Variants in ADCY5 observed in about 807,000 individuals in gnomAD.
The protein encoded by ADCY5 is adenylate cyclase 5.
ADCY5 carries 30 observed loss-of-function variants against 119.7 expected under a neutral mutation model. The observed-to-expected ratio is 0.25, with a 90% CI of 0.19 to 0.34. The LOEUF (loss-of-function observed/expected upper bound fraction) is 0.34. Among genes scored for constraint, ADCY5 ranks in the 10% least tolerant of loss-of-function variants. The pLI, the probability that ADCY5 is intolerant of heterozygous loss-of-function variation, is 1.00. For missense variants in ADCY5, 1,324 were observed against 1,775.2 expected (o/e 0.75, Z 4.57); for synonymous variants, 753 against 762.2 (o/e 0.99, Z 0.20).
Position 123,376,430 on chromosome 3 carries a change from A to G in ADCY5, c.1135-23849T>C, listed in dbSNP as rs903458182. ...TGTAAGAGAAATCAAAATTTCTTCAAGGAGGAGCATATGTTCTTTCTGCCT... is the reference window on the plus strand; with the variant it reads ...TGTAAGAGAAATCAAAATTTCTTCAGGGAGGAGCATATGTTCTTTCTGCCT... On this transcript the variant is annotated intron_variant, in intron 1 of 20. Coordinates refer to ENST00000462833, the MANE Select transcript of ADCY5 (RefSeq NM_183357.3). 1.3e-4 allele frequency among the ~76,000 whole-genome samples: 20 copies of G among 152,178 alleles called. No individual in the cohort carries two copies. In the East Asian group the frequency reaches 3.5e-3, roughly 27 times the overall value.
rs1037927051 is a variant in ADCY5, at chr3:123,410,867, C to T, written c.1134+36545G>A. On this transcript the variant is annotated intron_variant, in intron 1 of 20. Transcript: ENST00000462833. ...CTCACTATGTTGCCCAGGCTGCTCT[C>T]AATCTCCTGGCCTCAAGTGATCCTT... Among the ~76,000 whole-genome samples the T allele has an allele frequency of 8.5e-5, 13 of 152,120 alleles. No homozygotes were observed. The East Asian group carries it at 2.5e-3, about 29-fold the overall frequency.
At chr3:123,318,867 C>A (rs1386125307) in intron 10 of ADCY5, among the ~76,000 whole-genome samples, 1 of 152,200 alleles carries the variant, frequency 6.6e-6, no homozygotes, top group Admixed American at 6.5e-5. Context: ...CCCCCAACCA[C>A]TCTGGGCTTT....
At chr3:123,343,849 C>G (rs781703230) in intron 3 of ADCY5, among the ~76,000 whole-genome samples, 6 of 152,170 alleles carry the variant, frequency 3.9e-5, no homozygotes, top group African/African-American at 1.2e-4. Context: ...GCTGACCCCC[C>G]GCCCCGTCAG....
chr3:123,330,639 T>C (rs1941716594), intron 5 of ADCY5, among the ~76,000 whole-genome samples: 1 of 152,230 alleles, frequency 6.6e-6, no homozygotes, highest in African/African-American at 2.4e-5. Context: ...TCCTGGAGTC[T>C]GCAGAGCCCT....
chr3:123,406,857 C>T (rs996155494), intron 1 of ADCY5, among the ~76,000 whole-genome samples: 22 of 152,252 alleles, frequency 1.4e-4, no homozygotes, highest in African/African-American at 5.3e-4. Flanking sequence ...CAGAACACGC[C>T]ACTGCCTTCC....
intron 1 of ADCY5, among the ~76,000 whole-genome samples, chr3:123,435,172 C>T (rs1043530346): frequency 3.3e-5 from 5 of 152,152 alleles, no homozygotes; most frequent in African/African-American, 1.2e-4. Flanking sequence ...ATAGTCCCAG[C>T]TACTTGGGAG....
chr3:123,350,006 G>T (rs1161917554), intron 2 of ADCY5, among the ~76,000 whole-genome samples: 1 of 152,180 alleles, frequency 6.6e-6, no homozygotes, highest in Non-Finnish European at 1.5e-5. Flanking sequence ...TCCACCTGCT[G>T]TCCCAGCAGC....
intron 1 of ADCY5, among the ~76,000 whole-genome samples, chr3:123,407,589 TA>T (rs35895488): frequency 3.4e-3 from 323 of 94,154 alleles, no homozygotes; most frequent in East Asian, 7.5e-3. Context: ...CTATCTCTAC[TA>T]AAAAAAAAAA....
chr3:123,404,775 C>T (rs1239390466), intron 1 of ADCY5, among the ~76,000 whole-genome samples: 2 of 152,192 alleles, frequency 1.3e-5, no homozygotes, highest in African/African-American at 2.4e-5. Flanking sequence ...AATCACAAGG[C>T]CAGGGCTCAC....
chr3:123,334,871 C>T (rs1264116720), intron 3 of ADCY5, among the ~76,000 whole-genome samples: 4 of 152,154 alleles, frequency 2.6e-5, no homozygotes, highest in Non-Finnish European at 5.9e-5. Context: ...ATCAGCAAAT[C>T]CAACACCTCA....
chr3:123,349,963 G>A (rs1942752853), intron 2 of ADCY5, among the ~76,000 whole-genome samples: 1 of 152,224 alleles, frequency 6.6e-6, no homozygotes, highest in South Asian at 2.1e-4. Context: ...AGCCTGGCCT[G>A]GAGGTTTCCG....
intron 1 of ADCY5, among the ~76,000 whole-genome samples, chr3:123,359,144 C>G (rs1214202880): frequency 6.6e-6 from 1 of 151,672 alleles, no homozygotes; most frequent in Non-Finnish European, 1.5e-5. Context: ...AGTCAGCTTG[C>G]CCCTTGCAAT....
intron 1 of ADCY5, among the ~76,000 whole-genome samples, chr3:123,432,477 G>A (rs562456475): frequency 3.5e-4 from 54 of 152,142 alleles, no homozygotes; most frequent in Admixed American, 9.2e-4. Context: ...CACAGTGGCG[G>A]ATCCTAGAAA....
chr3:123,373,004 C>T (rs1256806183), intron 1 of ADCY5, among the ~76,000 whole-genome samples: 1 of 152,224 alleles, frequency 6.6e-6, no homozygotes, highest in East Asian at 1.9e-4. Flanking sequence ...CAATGCAACA[C>T]TCAACCACCT....
intron 3 of ADCY5, among the ~76,000 whole-genome samples, chr3:123,346,398 G>T (rs1161027406): frequency 6.6e-6 from 1 of 152,218 alleles, no homozygotes; most frequent in East Asian, 1.9e-4. Flanking sequence ...AGCATGGGGG[G>T]TTGGGAGACC....
intron 1 of ADCY5, among the ~76,000 whole-genome samples, chr3:123,389,958 G>A (rs1295109945): frequency 1.3e-5 from 2 of 152,186 alleles, no homozygotes; most frequent in Non-Finnish European, 2.9e-5. Flanking sequence ...GTGGAGAGAG[G>A]AGAGGTACAA....
chr3:123,285,199 T>A (rs1273076654), intron 20 of ADCY5, among the ~76,000 whole-genome samples: 1 of 152,050 alleles, frequency 6.6e-6, no homozygotes, highest in African/African-American at 2.4e-5. Flanking sequence ...TCACCACAGG[T>A]CGTTTGAGAG....
chr3:123,319,353 CAAA>C (rs34573753), intron 10 of ADCY5, among the ~76,000 whole-genome samples: 1 of 118,440 alleles, frequency 8.4e-6, no homozygotes, highest in Non-Finnish European at 1.8e-5. Context: ...AACTCCGTCT[CAAA>C]AAAAAAAAAA....
chr3:123,360,842 C>T (rs556106725), intron 1 of ADCY5, among the ~76,000 whole-genome samples: 3 of 152,272 alleles, frequency 2.0e-5, no homozygotes, highest in African/African-American at 7.2e-5. Context: ...AACACTTTCT[C>T]ACATGTAGTT....
Sources: allele counts gnomAD v4.1 joint callset (sites outside exome capture counted in the v4.1 genomes callset), GRCh38; gene constraint gnomAD v4.1.1; transcripts MANE v1.5; gene names NCBI Gene and HGNC (gene_info 2026-07-23, HGNC 2026-07-21).